The following LRRC4C variants were observed in gnomAD, a reference collection of about 807,000 sequenced individuals.
LRRC4C encodes leucine rich repeat containing 4C.
LRRC4C carries 5 observed loss-of-function variants against 33.6 expected under a neutral mutation model. That is an observed-to-expected ratio of 0.15 (90% confidence interval 0.08 to 0.31). The LOEUF is 0.31. Among genes scored for constraint, LRRC4C ranks in the 10% least tolerant of loss-of-function variants. LRRC4C has a pLI of 1.00. For missense variants in LRRC4C, 560 were observed against 796.7 expected (o/e 0.70, Z 3.58); for synonymous variants, 329 against 302.0 (o/e 1.09, Z -0.93).
chr11:41,374,699 G>A (rs946523269), intron 1 of LRRC4C, among the ~76,000 whole-genome samples: 2 of 152,126 alleles, frequency 1.3e-5, no homozygotes, highest in African/African-American at 4.8e-5. Flanking sequence ...CATATAGACA[G>A]GGTATTAGGT....
intron 1 of LRRC4C, among the ~76,000 whole-genome samples, chr11:41,135,273 A>G (rs757913043): frequency 1.3e-5 from 2 of 152,146 alleles, no homozygotes; most frequent in Non-Finnish European, 1.5e-5. Flanking sequence ...TTCAGGCTTC[A>G]GCAATCAAGA....
intron 1 of LRRC4C, among the ~76,000 whole-genome samples, chr11:41,014,798 G>C (rs1399515361): frequency 6.6e-6 from 1 of 152,090 alleles, no homozygotes; most frequent in African/African-American, 2.4e-5. Context: ...GGGACTTTCA[G>C]GGCTGAAGCC....
At chr11:41,136,138 C>G (rs139198639) in intron 1 of LRRC4C, among the ~76,000 whole-genome samples, 1 of 152,162 alleles carries the variant, frequency 6.6e-6, no homozygotes, top group African/African-American at 2.4e-5. Flanking sequence ...GAACAACACA[C>G]GCTTTCCCTA....
chr11:40,501,390 C>T (rs141288250), intron 3 of LRRC4C, among the ~76,000 whole-genome samples: 54 of 152,290 alleles, frequency 3.5e-4, no homozygotes, highest in African/African-American at 9.4e-4. Flanking sequence ...ATTTCCCTTC[C>T]GCACTGCCCT....
At chr11:40,184,058 A>T (rs1861217777) in intron 5 of LRRC4C, among the ~76,000 whole-genome samples, 1 of 152,234 alleles carries the variant, frequency 6.6e-6, no homozygotes, top group Non-Finnish European at 1.5e-5. Context: ...AGCAGCAAAA[A>T]TCAGATGTTA....
At chr11:40,469,000 A>G (rs1952790087) in intron 3 of LRRC4C, among the ~76,000 whole-genome samples, 1 of 152,264 alleles carries the variant, frequency 6.6e-6, no homozygotes, top group Non-Finnish European at 1.5e-5. Flanking sequence ...TAAAAATAAT[A>G]CAATGTTAGG....
chr11:41,229,795 T>G (rs578193409), intron 1 of LRRC4C, among the ~76,000 whole-genome samples: 1 of 152,202 alleles, frequency 6.6e-6, no homozygotes, highest in South Asian at 2.1e-4. Flanking sequence ...CACCGAGCAT[T>G]TAATGATTGT....
At chr11:40,301,439 G>A (rs1315572319) in intron 4 of LRRC4C, among the ~76,000 whole-genome samples, 1 of 152,192 alleles carries the variant, frequency 6.6e-6, no homozygotes, top group African/African-American at 2.4e-5. Flanking sequence ...AACTTCACCA[G>A]GAATTAGGAG....
chr11:40,266,847 T>C (rs902919571), intron 4 of LRRC4C, among the ~76,000 whole-genome samples: 1 of 152,170 alleles, frequency 6.6e-6, no homozygotes, highest in African/African-American at 2.4e-5. Flanking sequence ...TCTCTAATAT[T>C]CATGTTCGTT....
At position 41,416,962 on chromosome 11, in the gene LRRC4C, A is replaced by G. The variant is rs957602895; in HGVS notation, c.-496+42469T>C. 2.0e-5 allele frequency among the ~76,000 whole-genome samples: 3 copies of G among 152,122 alleles called. No individual in the cohort carries two copies. The East Asian group carries it at 5.8e-4, about 29-fold the overall frequency. ...TTTCCCAGTAGCACACATTTCCCCA[A>G]TGAAAATAAAGGATTCCTAATTCCA... On this transcript the variant is annotated intron_variant, in intron 1 of 6. Coordinates refer to ENST00000528697, the MANE Select transcript of LRRC4C (RefSeq NM_001258419.2).
intron 4 of LRRC4C, among the ~76,000 whole-genome samples, chr11:40,264,393 T>C (rs7934667): frequency 2.0e-5 from 3 of 152,208 alleles, no homozygotes; most frequent in African/African-American, 7.2e-5. Flanking sequence ...AAAAATATAT[T>C]ACGTTTGAAG....
intron 5 of LRRC4C, among the ~76,000 whole-genome samples, chr11:40,160,364 A>G (rs1249434775): frequency 6.6e-6 from 1 of 152,124 alleles, no homozygotes; most frequent in Non-Finnish European, 1.5e-5. Context: ...TTGCAGAAGG[A>G]TCCGGTACCT....
At chr11:41,293,101 G>A (rs1012002252) in intron 1 of LRRC4C, among the ~76,000 whole-genome samples, 1 of 152,054 alleles carries the variant, frequency 6.6e-6, no homozygotes, top group Non-Finnish European at 1.5e-5. Flanking sequence ...TGAATCCCAG[G>A]AGAAATGCTC....
chr11:40,587,789 C>T (rs1319225620), intron 3 of LRRC4C, among the ~76,000 whole-genome samples: 2 of 150,860 alleles, frequency 1.3e-5, no homozygotes, highest in Admixed American at 6.6e-5. Context: ...TATTGATTTG[C>T]GTATATTGAA....
chr11:41,392,328 G>A (rs1363852663), intron 1 of LRRC4C, among the ~76,000 whole-genome samples: 1 of 151,718 alleles, frequency 6.6e-6, no homozygotes, highest in Non-Finnish European at 1.5e-5. Context: ...AACTGTTTTT[G>A]TACAAGTGTT....
At chr11:40,364,162 A>C (rs534021099) in intron 3 of LRRC4C, among the ~76,000 whole-genome samples, 3 of 152,266 alleles carry the variant, frequency 2.0e-5, no homozygotes, top group Admixed American at 6.5e-5. Flanking sequence ...CATTAAATTC[A>C]TAATTTCTGG....
intron 3 of LRRC4C, among the ~76,000 whole-genome samples, chr11:40,357,063 A>G (rs1425781103): frequency 6.6e-6 from 1 of 152,126 alleles, no homozygotes; most frequent in African/African-American, 2.4e-5. Context: ...GCTATCCCTA[A>G]AATTGTGAAC....
At chr11:40,855,351 C>T (rs1230792612) in intron 2 of LRRC4C, among the ~76,000 whole-genome samples, 1 of 152,130 alleles carries the variant, frequency 6.6e-6, no homozygotes, top group Non-Finnish European at 1.5e-5. Context: ...ATTATTCATC[C>T]CTTCTGTCCT....
intron 3 of LRRC4C, among the ~76,000 whole-genome samples, chr11:40,497,819 A>C (rs1954544024): frequency 6.6e-6 from 1 of 152,194 alleles, no homozygotes; most frequent in Non-Finnish European, 1.5e-5. Context: ...GAGAAATAAA[A>C]GCTAAGGGTC....
Sources: allele counts gnomAD v4.1 joint callset (sites outside exome capture counted in the v4.1 genomes callset), GRCh38; gene constraint gnomAD v4.1.1; transcripts MANE v1.5; gene names NCBI Gene and HGNC (gene_info 2026-07-23, HGNC 2026-07-21).